Variants in MFSD6 observed in about 807,000 individuals in gnomAD.
MFSD6 encodes major facilitator superfamily domain containing 6, also known as major facilitator superfamily domain-containing protein 6.
In MFSD6, 26 loss-of-function variants were observed where a neutral mutation model predicts 56.3. The observed-to-expected ratio is 0.46, with a 90% CI of 0.34 to 0.64. The LOEUF is 0.64. Ranked by LOEUF, MFSD6 falls within the 30% of genes least tolerant of loss-of-function variation. The probability of loss-of-function intolerance (pLI) is 0.01; values close to 1 mark genes in which losing one functional copy is unlikely to be tolerated. For synonymous variants in MFSD6, 331 were observed against 366.9 expected (o/e 0.90, Z 1.12); for missense variants, 750 against 986.2 (o/e 0.76, Z 3.21).
chr2:190,485,606 T>C lies in MFSD6; in HGVS notation c.1631-3051T>C, dbSNP rs1306998543. On this transcript the variant is annotated intron_variant, in intron 4 of 7. Coordinates refer to ENST00000392328, the MANE Select transcript of MFSD6 (RefSeq NM_017694.4). The surrounding 1 kb of genome is among the most constrained non-coding windows in gnomAD (Gnocchi z 5.1). ...TCATCTTTAATAATAGAAATGAAAATACTTACAATTATTCCCATTAGGTAC... is the reference window on the plus strand; with the variant it reads ...TCATCTTTAATAATAGAAATGAAAACACTTACAATTATTCCCATTAGGTAC... Among the ~76,000 whole-genome samples the C allele has an allele frequency of 6.6e-6, 1 of 152,118 alleles. No individual in the cohort carries two copies. The highest frequency in any genetic ancestry group is 1.5e-5 in the Non-Finnish European group (1 of 68,018).
At position 190,460,409 on chromosome 2, in the gene MFSD6, G is replaced by T. The variant is rs373360245; in HGVS notation, c.1533-9349G>T. Among the ~76,000 whole-genome samples the T allele has an allele frequency of 3.2e-4, 49 of 152,074 alleles. No individual in the cohort carries two copies. The South Asian group carries it at 9.3e-3, about 29-fold the overall frequency. On this transcript the variant is annotated intron_variant, in intron 3 of 7. Transcript: ENST00000392328. ...ATATCTTAATCATACATACACTCGC[G>T]TATGCACACATGTATAATATGTGCA...
At position 190,489,770 on chromosome 2, in the gene MFSD6, G is replaced by A. The variant is rs1256480248; in HGVS notation, c.1795G>A (p.Ala599Thr). Residue 599 changes from alanine (A) to threonine (T), a missense_variant and splice_region_variant, in exon 6 of 8, where the codon GCT becomes ACT. Physicochemically the swap from Ala to Thr is moderately conservative, Grantham distance 58. This residue lies in a region of MFSD6 where 125 missense variants were observed against 223.1 expected (regional missense o/e 0.56). Coordinates refer to ENST00000392328, the MANE Select transcript of MFSD6 (RefSeq NM_017694.4). The surrounding 1 kb of genome is among the most constrained non-coding windows in gnomAD (Gnocchi z 6.6). The part of the protein sequence containing the change: ...IGGVLVNYFG[A>T]AATFRGIGMA... ...TAGAGTGCTGTTTGTTTTTATAGGG[G>A]CTGCTGCAACCTTCCGAGGAATTGG... 3.7e-6 allele frequency: 6 copies of A among 1,613,840 alleles called. No homozygotes were observed. Among genetic ancestry groups the A allele is most frequent in the Non-Finnish European group, 5.1e-6 (6 of 1,179,858 alleles).
chr2:190,479,540 A>G (rs1215505257), intron 4 of MFSD6, among the ~76,000 whole-genome samples: 2 of 152,178 alleles, frequency 1.3e-5, no homozygotes, highest in Admixed American at 6.5e-5. Flanking sequence ...CATGATTTTG[A>G]TCAAGAATAT....
At position 190,497,043 on chromosome 2, in the gene MFSD6, A is replaced by C. The variant is rs1689738246; in HGVS notation, c.1892-396A>C. Among the ~76,000 whole-genome samples, 1 of 152,224 alleles carries C rather than the reference A, an allele frequency of 6.6e-6. No individual in the cohort carries two copies. The highest frequency in any genetic ancestry group is 6.5e-5 in the Admixed American group (1 of 15,280). The stretch of plus-strand genomic sequence containing the variant: ...CGTAACCAAATACCACCTGTTCCCC[A>C]AAAACCTGTGGGAATAAAACATTTT... On this transcript the variant is annotated intron_variant, in intron 6 of 7. Coordinates refer to ENST00000392328, the MANE Select transcript of MFSD6 (RefSeq NM_017694.4). This position sits in a 1 kb window ranked among gnomAD's most constrained non-coding sequence, Gnocchi z 5.2.
intron 3 of MFSD6, among the ~76,000 whole-genome samples, chr2:190,446,804 C>T (rs1435106340): frequency 6.6e-6 from 1 of 152,150 alleles, no homozygotes; most frequent in Non-Finnish European, 1.5e-5. Context: ...TGCATTTATA[C>T]CCTGGCTTTA....
At position 190,418,288 on chromosome 2, in the gene MFSD6, C is replaced by A. The variant is rs1321623487; in HGVS notation, c.-54+2875C>A. Among the ~76,000 whole-genome samples the A allele has an allele frequency of 6.6e-6, 1 of 152,142 alleles. No individual in the cohort carries two copies. The highest frequency in any genetic ancestry group is 1.5e-5 in the Non-Finnish European group (1 of 68,042). On this transcript the variant is annotated intron_variant, in intron 2 of 7. Transcript: ENST00000392328. This position sits in a 1 kb window ranked among gnomAD's most constrained non-coding sequence, Gnocchi z 4.1. ...GAGTTAATACATGCTAGGTTCATAG[C>A]AAGTGTTACTTAAGTGTTATTGTAT...
At chr2:190,440,149 A>T (rs1686319291) in intron 3 of MFSD6, among the ~76,000 whole-genome samples, 1 of 152,216 alleles carries the variant, frequency 6.6e-6, no homozygotes, top group African/African-American at 2.4e-5. Context: ...TGGCACTACC[A>T]TATATTTGTG....
At chr2:190,444,267 A>T (rs1470442488) in intron 3 of MFSD6, among the ~76,000 whole-genome samples, 1 of 152,198 alleles carries the variant, frequency 6.6e-6, no homozygotes, top group Non-Finnish European at 1.5e-5. Flanking sequence ...AGAGCAGTAC[A>T]AGTAATTGAC....
At position 190,436,829 on chromosome 2, in the gene MFSD6, C is replaced by A; in HGVS notation, c.800C>A (p.Thr267Asn). The A allele has an allele frequency of 6.2e-7, 1 of 1,614,248 alleles. No individual in the cohort carries two copies. Among genetic ancestry groups the A allele is most frequent in the Non-Finnish European group, 8.5e-7 (1 of 1,180,044 alleles). The change falls in exon 3 of 8, where the codon ACC (threonine) becomes AAC (asparagine). Residue 267 changes from threonine to asparagine, a missense_variant. Physicochemically the swap from Thr to Asn is moderately conservative, Grantham distance 65 (BLOSUM62 0). Around this residue, in one of 5 missense-constraint regions of MFSD6, gnomAD observed 376 missense variants for 437.9 expected, o/e 0.86. Transcript: ENST00000392328. The surrounding 1 kb of genome is among the most constrained non-coding windows in gnomAD (Gnocchi z 5.3). ...ACAACCACTGTTATTGTTACCACCA[C>A]CAAATCTTTACCTTCTGACCAAGTC... ...KETTTVIVTTTKSLPSDQVML... is the reference protein window; with the variant it reads ...KETTTVIVTTNKSLPSDQVML...
At chr2:190,450,038 AAG>A (rs1259892917) in intron 3 of MFSD6, among the ~76,000 whole-genome samples, 1 of 152,188 alleles carries the variant, frequency 6.6e-6, no homozygotes, top group Non-Finnish European at 1.5e-5. Context: ...AATTAAAAAA[AAG>A]AAAAAGAAAT....
At chr2:190,411,837 T>G in intron 1 of MFSD6, 2 of 985,392 alleles carry the variant, frequency 2.0e-6, no homozygotes, top group Non-Finnish European at 2.4e-6. Context: ...ATAAGAATGC[T>G]TTGGAGCATA....
intron 3 of MFSD6, chr2:190,444,997 C>T (rs185717681): frequency 1.4e-5 from 4 of 288,534 alleles, no homozygotes; most frequent in Admixed American, 6.5e-5. Context: ...TCTTATTTTA[C>T]AGCCCACCTG....
intron 4 of MFSD6, among the ~76,000 whole-genome samples, chr2:190,474,525 G>A (rs1268390781): frequency 1.3e-5 from 2 of 152,154 alleles, no homozygotes; most frequent in East Asian, 3.8e-4. Flanking sequence ...GGAAGAAGTT[G>A]AATCTCTGAA....
rs987877160 is a variant in MFSD6, at chr2:190,424,982, T to C, written c.-54+9569T>C. Reference sequence around the variant, plus strand: ...AACCTGTATATCAATTTGAGGAGAATTGAAATTCATAAACATGGATCCATT... The same window carrying C: ...AACCTGTATATCAATTTGAGGAGAACTGAAATTCATAAACATGGATCCATT... On this transcript the variant is annotated intron_variant, in intron 2 of 7. Coordinates refer to ENST00000392328, the MANE Select transcript of MFSD6 (RefSeq NM_017694.4). The surrounding 1 kb of genome is among the most constrained non-coding windows in gnomAD (Gnocchi z 5.9). Among the ~76,000 whole-genome samples, 11 of 152,348 alleles carry C rather than the reference T, an allele frequency of 7.2e-5. No individual in the cohort carries two copies. Among genetic ancestry groups the C allele is most frequent in the South Asian group, 4.2e-4 (2 of 4,816 alleles).
rs559483845 is a variant in MFSD6, at chr2:190,496,975, G to T, written c.1892-464G>T. On this transcript the variant is annotated intron_variant, in intron 6 of 7. Coordinates refer to ENST00000392328, the MANE Select transcript of MFSD6 (RefSeq NM_017694.4). The surrounding 1 kb of genome is among the most constrained non-coding windows in gnomAD (Gnocchi z 4.7). Reference sequence around the variant, plus strand: ...TGGGTTCATTGTATACTGCTTGGGTGATGGTTGCACCAAAATCTCACAAAT... The same window carrying T: ...TGGGTTCATTGTATACTGCTTGGGTTATGGTTGCACCAAAATCTCACAAAT... Among the ~76,000 whole-genome samples, 13 of 152,304 alleles carry T rather than the reference G, an allele frequency of 8.5e-5. No homozygotes were observed. Among genetic ancestry groups the T allele is most frequent in the Non-Finnish European group, 1.8e-4 (12 of 68,026 alleles).
In MFSD6 at chr2:190,456,473, C is replaced by T. The variant is rs760425154; in HGVS notation, c.1533-13285C>T. On this transcript the variant is annotated intron_variant, in intron 3 of 7. Coordinates refer to ENST00000392328, the MANE Select transcript of MFSD6 (RefSeq NM_017694.4). The surrounding 1 kb of genome is among the most constrained non-coding windows in gnomAD (Gnocchi z 5.4). ...TCAGGAATTGAGGAATGGAAAAGAT[C>T]GGGGCTCCTTTCAACCCGCTGGTGA... Among the ~76,000 whole-genome samples, 7 of 152,116 alleles carry T rather than the reference C, an allele frequency of 4.6e-5. No individual in the cohort carries two copies. The highest frequency in any genetic ancestry group is 1.0e-4 in the Non-Finnish European group (7 of 68,030).
chr2:190,408,135 AGCGCTGCACCT>A (rs1405567579), upstream of MFSD6, among the ~76,000 whole-genome samples: 2 of 151,062 alleles, frequency 1.3e-5, no homozygotes, highest in African/African-American at 2.4e-5. Context: ...CAGGAGGCGG[AGCGCTGCACCT>A]GGCGGCCGGT....
In MFSD6 at chr2:190,488,573, C is replaced by A; in HGVS notation, c.1631-84C>A. On this transcript the variant is annotated intron_variant, in intron 4 of 7. Transcript: ENST00000392328. The surrounding 1 kb of genome is among the most constrained non-coding windows in gnomAD (Gnocchi z 6.4). Reference sequence around the variant, plus strand: ...CCACAACAAATCTTAAAAATAGGTGCCTAGTTAAATAATTCACATTTCAAA... The same window carrying A: ...CCACAACAAATCTTAAAAATAGGTGACTAGTTAAATAATTCACATTTCAAA... 8.5e-7 allele frequency: 1 copy of A among 1,178,268 alleles called. No homozygotes were observed. Among genetic ancestry groups the A allele is most frequent in the Non-Finnish European group, 1.1e-6 (1 of 885,680 alleles). The allele number at this position is 1,178,268 out of a possible 1,614,324, so 73.0% of individuals were successfully genotyped here.
rs1559129259 is a variant in MFSD6 at position 190,469,940 on chromosome 2, T to C, written c.1630+85T>C. The stretch of plus-strand genomic sequence containing the variant: ...CCCAGTGGCCTTCAGCATCTGATTC[T>C]ATAAAGGAAGGGCAGGCCTACTGTT... On this transcript the variant is annotated intron_variant, in intron 4 of 7. Coordinates refer to ENST00000392328, the MANE Select transcript of MFSD6 (RefSeq NM_017694.4). This position sits in a 1 kb window ranked among gnomAD's most constrained non-coding sequence, Gnocchi z 5.3. The C allele has an allele frequency of 2.1e-6, 2 of 938,286 alleles. No homozygotes were observed. The highest frequency in any genetic ancestry group is 3.3e-6 in the Non-Finnish European group (2 of 604,314). 58.1% of individuals were successfully genotyped at this position (938,286 alleles called of 1,614,324 possible). A position where few individuals can be genotyped will look rare whatever the true frequency, so the allele number is the denominator to read the frequency against.
Sources: gnomAD v4.1 joint callset for allele counts (sites outside exome capture counted in the v4.1 genomes callset) on GRCh38, gnomAD v4.1.1 for gene constraint, gnomAD v4.1.1 regional missense constraint, Gnocchi (gnomAD v3.1) non-coding constraint, MANE v1.5 for transcripts, NCBI Gene and HGNC (gene_info 2026-07-23, HGNC 2026-07-21) for gene names.